The following DCLK1 variants were observed in gnomAD, a reference collection of about 807,000 sequenced individuals.
DCLK1 encodes the protein doublecortin like kinase 1.
DCLK1 carries 16 observed loss-of-function variants against 86.2 expected under a neutral mutation model. The ratio of observed to expected loss-of-function variants is 0.19; its 90% CI spans 0.13 to 0.28. The LOEUF is 0.28. Among genes scored for constraint, DCLK1 ranks in the 10% least tolerant of loss-of-function variants. The probability of loss-of-function intolerance (pLI) is 1.00; values close to 1 mark genes in which losing one functional copy is unlikely to be tolerated. For missense variants in DCLK1, 590 were observed against 940.2 expected, an observed-to-expected ratio of 0.63 and a Z score of 4.87; for synonymous variants, 369 against 370.5, an observed-to-expected ratio of 1.00 and a Z score of 0.05.
At chr13:35,972,960 T>C (rs532716532) in intron 3 of DCLK1, among the ~76,000 whole-genome samples, 3 of 152,226 alleles carry the variant, frequency 2.0e-5, no homozygotes, top group Non-Finnish European at 4.4e-5. Context: ...CACATCCCCA[T>C]GCCTGCTCTT....
chr13:35,999,003 C>A (rs1488210673), intron 3 of DCLK1, among the ~76,000 whole-genome samples: 1 of 152,028 alleles, frequency 6.6e-6, no homozygotes, highest in African/African-American at 2.4e-5. Flanking sequence ...GCCTGTAATC[C>A]CAGCACTTTG....
chr13:35,864,291 C>T lies in DCLK1; in HGVS notation c.940+6933G>A, dbSNP rs560431784. On this transcript the variant is annotated intron_variant, in intron 5 of 16. Coordinates refer to ENST00000360631, the MANE Select transcript of DCLK1 (RefSeq NM_001330071.2). ...ATAAAAAGTTGGCTATCTGGCCGGGCGCGGTGGCTCACGCCTGTAATCCCA... is the reference window on the plus strand; with the variant it reads ...ATAAAAAGTTGGCTATCTGGCCGGGTGCGGTGGCTCACGCCTGTAATCCCA... 1.1e-4 allele frequency among the ~76,000 whole-genome samples: 8 copies of T among 75,092 alleles called. 2 individuals are homozygous for T. The highest frequency in any genetic ancestry group is 7.4e-4 in the South Asian group (2 of 2,710). The allele number at this position is 75,092 out of a possible 152,430, so 49.3% of individuals were successfully genotyped here.
chr13:36,060,164 C>T (rs1282303039), intron 3 of DCLK1, among the ~76,000 whole-genome samples: 1 of 152,132 alleles, frequency 6.6e-6, no homozygotes, highest in Non-Finnish European at 1.5e-5. Flanking sequence ...AGCCACCACA[C>T]CCAGCCAAAT....
At chr13:35,863,130 G>T (rs1871521766) in intron 5 of DCLK1, among the ~76,000 whole-genome samples, 1 of 152,218 alleles carries the variant, frequency 6.6e-6, no homozygotes, top group African/African-American at 2.4e-5. Context: ...ATAGCCATGT[G>T]TGTAGCAGGC....
chr13:36,101,650 A>C (rs1885221140), intron 3 of DCLK1, among the ~76,000 whole-genome samples: 1 of 149,288 alleles, frequency 6.7e-6, no homozygotes, highest in African/African-American at 2.4e-5. Context: ...GTCTGTGTGG[A>C]GCCTGAGGGT....
At chr13:36,090,819 G>T (rs1884793177) in intron 3 of DCLK1, among the ~76,000 whole-genome samples, 1 of 152,132 alleles carries the variant, frequency 6.6e-6, no homozygotes, top group African/African-American at 2.4e-5. Flanking sequence ...AGGATCTCAT[G>T]ATCATGAGCT....
intron 4 of DCLK1, among the ~76,000 whole-genome samples, chr13:35,881,781 G>A (rs1176391703): frequency 6.6e-6 from 1 of 152,136 alleles, no homozygotes; most frequent in Non-Finnish European, 1.5e-5. Flanking sequence ...ATAAAACAAA[G>A]CAGCTAACTT....
chr13:35,979,041 T>A (rs1879507131), intron 3 of DCLK1, among the ~76,000 whole-genome samples: 1 of 152,178 alleles, frequency 6.6e-6, no homozygotes, highest in Non-Finnish European at 1.5e-5. Context: ...ATTTTTAAAA[T>A]GAGAAACCTG....
At chr13:35,841,020 C>A (rs1869756183) in intron 6 of DCLK1, among the ~76,000 whole-genome samples, 1 of 152,130 alleles carries the variant, frequency 6.6e-6, no homozygotes. Flanking sequence ...TAATGGTGTT[C>A]CAAACAGAAA....
At chr13:35,936,368 GTGAAT>G (rs1227267791) in intron 4 of DCLK1, among the ~76,000 whole-genome samples, 1 of 152,192 alleles carries the variant, frequency 6.6e-6, no homozygotes, top group East Asian at 1.9e-4. Flanking sequence ...AGATACCAAA[GTGAAT>G]TGTGAGACAG....
intron 3 of DCLK1, among the ~76,000 whole-genome samples, chr13:36,063,585 C>A (rs1883636656): frequency 6.6e-6 from 1 of 152,036 alleles, no homozygotes; most frequent in Admixed American, 6.6e-5. Flanking sequence ...ACAGGTATGC[C>A]CAATATTACA....
chr13:35,830,074 C>T (rs1009452080), intron 8 of DCLK1, among the ~76,000 whole-genome samples: 2 of 152,094 alleles, frequency 1.3e-5, no homozygotes, highest in Non-Finnish European at 2.9e-5. Context: ...GAGTGTAAAC[C>T]AAATATTTAA....
rs1874087654 is a variant in DCLK1 at position 35,897,714 on chromosome 13, T to A, written c.824-26374A>T. Among the ~76,000 whole-genome samples, 3 of 152,304 alleles carry A rather than the reference T, an allele frequency of 2.0e-5. No homozygotes were observed. In the South Asian group the frequency reaches 6.2e-4, roughly 32 times the overall value. ...TAGAGGTCAAGTCTACCTTCTCATG[T>A]AAGCAAAGCATAAACATTTTAAATC... is the stretch of plus-strand genomic sequence containing the variant. On this transcript the variant is annotated intron_variant, in intron 4 of 16. Coordinates refer to ENST00000360631, the MANE Select transcript of DCLK1 (RefSeq NM_001330071.2).
chr13:36,123,962 G>C (rs1489927412), intron 2 of DCLK1, among the ~76,000 whole-genome samples: 1 of 152,182 alleles, frequency 6.6e-6, no homozygotes, highest in Non-Finnish European at 1.5e-5. Flanking sequence ...GGGAGTCATT[G>C]GAGTATCTTC....
At chr13:35,794,694 T>G (rs2086771640) in intron 15 of DCLK1, among the ~76,000 whole-genome samples, 1 of 152,338 alleles carries the variant, frequency 6.6e-6, no homozygotes, top group Admixed American at 6.5e-5. Context: ...TTTCTTTTCT[T>G]CGTAACTTGG....
At chr13:36,058,638 C>A (rs1883423699) in intron 3 of DCLK1, among the ~76,000 whole-genome samples, 1 of 151,922 alleles carries the variant, frequency 6.6e-6, no homozygotes, top group Admixed American at 6.6e-5. Flanking sequence ...AAAATTAGAC[C>A]CAGGATTTGC....
At chr13:36,126,502 G>T (rs1401536196) in intron 1 of DCLK1, among the ~76,000 whole-genome samples, 1 of 152,118 alleles carries the variant, frequency 6.6e-6, no homozygotes, top group Non-Finnish European at 1.5e-5. Context: ...GGCCTCAAGT[G>T]ATCCTCCCCC....
intron 16 of DCLK1, among the ~76,000 whole-genome samples, chr13:35,787,100 C>T (rs1456108039): frequency 1.3e-5 from 2 of 150,122 alleles, no homozygotes; most frequent in Non-Finnish European, 3.0e-5. Context: ...TATATATATA[C>T]ACACACATAC....
At chr13:35,928,566 C>T (rs1053947376) in intron 4 of DCLK1, among the ~76,000 whole-genome samples, 5 of 152,226 alleles carry the variant, frequency 3.3e-5, no homozygotes, top group South Asian at 2.1e-4. Context: ...ACTTACCTTC[C>T]GATACACTAA....
Sources: allele counts gnomAD v4.1 joint callset (sites outside exome capture counted in the v4.1 genomes callset), GRCh38; gene constraint gnomAD v4.1.1; transcripts MANE v1.5; gene names NCBI Gene and HGNC (gene_info 2026-07-23, HGNC 2026-07-21).